Variants in FHIT observed in about 807,000 individuals in gnomAD.
The protein encoded by FHIT is fragile histidine triad diadenosine triphosphatase.
Under a neutral mutation model 17.9 loss-of-function variants are expected in FHIT, and 19 were observed. The observed-to-expected ratio is 1.06, with a 90% CI of 0.74 to 1.56. FHIT has a LOEUF of 1.56. Ranked by LOEUF, FHIT falls within the 40% of genes most tolerant of loss-of-function variation. The pLI is 0.00. For missense variants in FHIT, 248 were observed against 189.2 expected (o/e 1.31, Z -1.82); for synonymous variants, 81 against 69.7 (o/e 1.16, Z -0.81).
chr3:59,984,722 C>A (rs1480025522), intron 7 of FHIT, among the ~76,000 whole-genome samples: 2 of 152,034 alleles, frequency 1.3e-5, no homozygotes, highest in African/African-American at 4.8e-5. Context: ...AAATACTTAC[C>A]AAGCTCCTAT....
chr3:60,859,918 C>A (rs1703567732), intron 3 of FHIT, among the ~76,000 whole-genome samples: 1 of 149,832 alleles, frequency 6.7e-6, no homozygotes. Flanking sequence ...GTGGCACGTG[C>A]CTGTAATCCC....
At chr3:59,984,197 A>G (rs530640051) in intron 7 of FHIT, among the ~76,000 whole-genome samples, 6 of 152,174 alleles carry the variant, frequency 3.9e-5, no homozygotes, top group Admixed American at 2.0e-4. Flanking sequence ...CTGCTTTATT[A>G]TCATTAATGC....
rs532592157 is a variant in FHIT, at chr3:60,235,237, T to G, written c.104-221085A>C. 1.1e-4 allele frequency among the ~76,000 whole-genome samples: 17 copies of G among 149,234 alleles called. No homozygotes were observed. In the East Asian group the frequency reaches 2.7e-3, roughly 24 times the overall value. On this transcript the variant is annotated intron_variant, in intron 5 of 9. Transcript: ENST00000492590. ...AATATCTATGCTTTTGTTTGTTGTT[T>G]TTTTTTTTTTTGAGACAGAGTCTCA...
chr3:60,077,242 TGA>T (rs1198202453), intron 5 of FHIT: 3 of 151,876 alleles, frequency 2.0e-5, no homozygotes, highest in African/African-American at 7.3e-5. Flanking sequence ...ATATATAAAC[TGA>T]GAGATATGGA....
intron 3 of FHIT, among the ~76,000 whole-genome samples, chr3:60,920,812 T>A (rs1322008395): frequency 6.6e-6 from 1 of 152,166 alleles, no homozygotes; most frequent in Non-Finnish European, 1.5e-5. Context: ...GAAAAAGGCA[T>A]GATCCCATGA....
chr3:60,175,553 T>A (rs1701631298), intron 5 of FHIT, among the ~76,000 whole-genome samples: 1 of 152,144 alleles, frequency 6.6e-6, no homozygotes, highest in South Asian at 2.1e-4. Context: ...ACATAATGAC[T>A]CTTTGGGAAG....
At chr3:60,537,987 C>G (rs1484778756) in intron 4 of FHIT, among the ~76,000 whole-genome samples, 1 of 139,766 alleles carries the variant, frequency 7.2e-6, no homozygotes, top group East Asian at 2.2e-4. Flanking sequence ...GGTTTTCAAC[C>G]CCATTTCCTG....
At chr3:60,849,691 C>A (rs946437944) in intron 3 of FHIT, among the ~76,000 whole-genome samples, 3 of 151,842 alleles carry the variant, frequency 2.0e-5, no homozygotes, top group African/African-American at 7.3e-5. Flanking sequence ...CTGCCATTTA[C>A]CTGTTGGGCA....
intron 5 of FHIT, among the ~76,000 whole-genome samples, chr3:60,226,741 T>G (rs1432211844): frequency 6.6e-6 from 1 of 152,058 alleles, no homozygotes; most frequent in African/African-American, 2.4e-5. Flanking sequence ...TGTCTAGGGA[T>G]AAGAATGAGA....
rs183300325 is a variant in FHIT, at chr3:61,042,332, A to G, written c.-163-233T>C. On this transcript the variant is annotated intron_variant, in intron 2 of 9. Coordinates refer to ENST00000492590, the MANE Select transcript of FHIT (RefSeq NM_002012.4). ...ATATAACCTACCTGGGACATCTTGT[A>G]GGGCAGTAAGATGGAAGTTAAAGGA... 2.0e-4 allele frequency among the ~76,000 whole-genome samples: 30 copies of G among 152,334 alleles called. 1 individual carries two copies. The highest frequency in any genetic ancestry group is 1.7e-3 in the Admixed American group (26 of 15,298).
Position 60,821,917 on chromosome 3 carries a change from A to G in FHIT, c.-18+2T>C, listed in dbSNP as rs1400720672. The G allele has an allele frequency of 6.6e-6, 1 of 152,178 alleles. No individual in the cohort carries two copies. The highest frequency in any genetic ancestry group is 2.4e-5 in the African/African-American group (1 of 41,440). The allele number at this position is 152,178 out of a possible 1,614,324, so 9.4% of individuals were successfully genotyped here. A position where few individuals can be genotyped will look rare whatever the true frequency, so the allele number is the denominator to read the frequency against. ...AAAAAAATCAAAATTAAGTAAACCT[A>G]CCTTTCAGAAGACTGCTACCTCTTC... On this transcript the variant is annotated splice_donor_variant, in intron 4 of 9. Coordinates refer to ENST00000492590, the MANE Select transcript of FHIT (RefSeq NM_002012.4). LOFTEE classifies it low-confidence loss of function (5UTR_SPLICE).
At chr3:60,270,035 G>T (rs1559776429) in intron 5 of FHIT, among the ~76,000 whole-genome samples, 1 of 152,154 alleles carries the variant, frequency 6.6e-6, no homozygotes, top group African/African-American at 2.4e-5. Flanking sequence ...CCAAGGGGGT[G>T]TATCTGACTC....
At chr3:60,827,090 A>G (rs1702151612) in intron 3 of FHIT, among the ~76,000 whole-genome samples, 1 of 152,186 alleles carries the variant, frequency 6.6e-6, no homozygotes, top group Non-Finnish European at 1.5e-5. Flanking sequence ...TCTTTGAGCC[A>G]AGGAGGTCAT....
intron 8 of FHIT, among the ~76,000 whole-genome samples, chr3:59,860,888 T>G (rs681119): frequency 2.0e-5 from 3 of 151,880 alleles, no homozygotes; most frequent in Admixed American, 2.0e-4. Flanking sequence ...AATCCAGTAA[T>G]GATCCATGAT....
chr3:61,207,635 A>T (rs1157835342), intron 1 of FHIT, among the ~76,000 whole-genome samples: 2 of 152,164 alleles, frequency 1.3e-5, no homozygotes, highest in Non-Finnish European at 2.9e-5. Context: ...CTCTGATGGT[A>T]GTTTGTATTT....
intron 5 of FHIT, among the ~76,000 whole-genome samples, chr3:60,534,419 G>A (rs1464652044): frequency 5.0e-5 from 5 of 99,612 alleles, no homozygotes; most frequent in South Asian, 4.2e-4. Context: ...CGGCCTGGGC[G>A]ACAGAGCGAG....
intron 5 of FHIT, among the ~76,000 whole-genome samples, chr3:60,374,157 A>C (rs1342065350): frequency 2.0e-5 from 3 of 152,216 alleles, no homozygotes; most frequent in Non-Finnish European, 4.4e-5. Flanking sequence ...AATTAAGCCA[A>C]GAAATATTTC....
intron 3 of FHIT, among the ~76,000 whole-genome samples, chr3:61,028,472 G>T (rs1294264777): frequency 6.6e-6 from 1 of 152,162 alleles, no homozygotes; most frequent in East Asian, 1.9e-4. Flanking sequence ...TGCCTCAAAA[G>T]AAGCAAGGGC....
chr3:60,179,033 A>G (rs1271164297), intron 5 of FHIT, among the ~76,000 whole-genome samples: 16 of 152,170 alleles, frequency 1.1e-4, no homozygotes, highest in Non-Finnish European at 1.5e-4. Flanking sequence ...GACTCTTAAC[A>G]TACAGTAGGT....
Sources: gnomAD v4.1 joint callset for allele counts (sites outside exome capture counted in the v4.1 genomes callset) on GRCh38, gnomAD v4.1.1 for gene constraint, MANE v1.5 for transcripts, NCBI Gene and HGNC (gene_info 2026-07-23, HGNC 2026-07-21) for gene names.